The following TXN2 variants were observed in gnomAD, a reference collection of about 807,000 sequenced individuals.
The protein encoded by TXN2 is thioredoxin, mitochondrial.
TXN2 carries 12 observed loss-of-function variants against 14.6 expected under a neutral mutation model. The ratio of observed to expected loss-of-function variants is 0.82; its 90% confidence interval spans 0.53 to 1.33. The LOEUF is 1.33. TXN2 is among the 40% of genes most tolerant of loss of function. The pLI, the probability that TXN2 is intolerant of heterozygous loss-of-function variation, is 0.00. For missense variants in TXN2, 173 were observed against 207.7 expected (o/e 0.83, Z 1.03); for synonymous variants, 89 against 81.0 (o/e 1.10, Z -0.53).
At chr22:36,480,865 G>T in intron 1 of TXN2, 28 bp from the exon 2 acceptor site, 1 of 1,525,656 alleles carries the variant, frequency 6.6e-7, no homozygotes, top group South Asian at 1.3e-5. Flanking sequence ...AGAAGAACTG[G>T]GGCACACAAA....
chr22:36,467,712 C>T lies in TXN2; in HGVS notation c.*92G>A. The T allele has an allele frequency of 7.0e-6, 8 of 1,136,600 alleles. No individual in the cohort carries two copies. The highest frequency in any genetic ancestry group is 1.8e-5 in the Admixed American group (1 of 56,446). The allele number at this position is 1,136,600 out of a possible 1,614,324, so 70.4% of individuals were successfully genotyped here. A position where few individuals can be genotyped will look rare whatever the true frequency, so the allele number is the denominator to read the frequency against. Reference sequence around the variant, plus strand: ...CTAAGCATGGGCCCCAGGAGCCAGACAGGAGGGAGGCAGCAGGAAGGGCTG... The same window carrying T: ...CTAAGCATGGGCCCCAGGAGCCAGATAGGAGGGAGGCAGCAGGAAGGGCTG... On this transcript the variant is annotated 3_prime_UTR_variant, in exon 4 of 4. Transcript: ENST00000216185.
chr22:36,478,433 C>G (rs1416938087), intron 2 of TXN2, among the ~76,000 whole-genome samples: 1 of 152,174 alleles, frequency 6.6e-6, no homozygotes, highest in Non-Finnish European at 1.5e-5. Context: ...ACCAGGAGGC[C>G]AAGACAGTTC....
rs1311228990 is a variant in TXN2, at chr22:36,467,466, C to A, written c.*338G>T. ...CACGAGGTTTCAGATTGGAAGGGACCAAGATGAGGACCAAGGTGTGGCTGC... is the reference window on the plus strand; with the variant it reads ...CACGAGGTTTCAGATTGGAAGGGACAAAGATGAGGACCAAGGTGTGGCTGC... On this transcript the variant is annotated 3_prime_UTR_variant, in exon 4 of 4. Transcript: ENST00000216185. The A allele has an allele frequency of 3.7e-6, 1 of 269,194 alleles. No homozygotes were observed. Among genetic ancestry groups the A allele is most frequent in the South Asian group, 6.2e-5 (1 of 16,188 alleles). The allele number at this position is 269,194 out of a possible 1,614,324, so 16.7% of individuals were successfully genotyped here.
chr22:36,481,574 T>C lies in TXN2; in HGVS notation c.-11A>G, dbSNP rs972003037. ...CCACAGGGCTCCTACCTCCCTGCAA[T>C]GCGAGCGGAGGGATGCACAGCCTAG... On this transcript the variant is annotated 5_prime_UTR_variant, in exon 1 of 4. Transcript: ENST00000216185. 5.0e-6 allele frequency: 5 copies of C among 999,786 alleles called. No homozygotes were observed. In the African/African-American group the frequency reaches 7.0e-5, roughly 14 times the overall value. The allele number at this position is 999,786 out of a possible 1,614,324, so 61.9% of individuals were successfully genotyped here.
intron 2 of TXN2, 151 bp from the exon 3 acceptor site, chr22:36,477,007 C>T (rs190121398): frequency 1.9e-4 from 250 of 1,332,420 alleles, no homozygotes; most frequent in African/African-American, 1.5e-3. Context: ...ATGGTAATGC[C>T]AGGAGATTCT....
chr22:36,479,657 T>C (rs2145827877), intron 2 of TXN2, among the ~76,000 whole-genome samples: 1 of 152,184 alleles, frequency 6.6e-6, no homozygotes. Context: ...TTTTAACTTA[T>C]GCTACACTGG....
At chr22:36,475,899 C>CAGCTCAGAGGTTCTCTCTA (rs1933374959) in intron 3 of TXN2, among the ~76,000 whole-genome samples, 1 of 152,090 alleles carries the variant, frequency 6.6e-6, no homozygotes, top group African/African-American at 2.4e-5. Context: ...CCTCATGGCT[C>CAGCTCAGAGGTTCTCTCTA]AGCTCAGAGG....
At chr22:36,475,922 T>C (rs1238229675) in intron 3 of TXN2, among the ~76,000 whole-genome samples, 2 of 152,154 alleles carry the variant, frequency 1.3e-5, no homozygotes, top group Admixed American at 1.3e-4. Flanking sequence ...CTCTCTAACG[T>C]GAAGCATTCC....
At position 36,476,944 on chromosome 22, in the gene TXN2, A is replaced by C. The variant is rs1048644047; in HGVS notation, c.264-88T>G. On this transcript the variant is annotated intron_variant, in intron 2 of 3. Coordinates refer to ENST00000216185, the MANE Select transcript of TXN2 (RefSeq NM_012473.4). ...TTCCCAGACCTGCATCTTTCCAAGG[A>C]ATCTTTTGCCCTTATTATCTCTGTT... The C allele has an allele frequency of 1.3e-5, 21 of 1,576,080 alleles. No homozygotes were observed. The African/African-American group carries it at 2.5e-4, about 18-fold the overall frequency.
At chr22:36,478,038 G>A (rs1933422824) in intron 2 of TXN2, among the ~76,000 whole-genome samples, 1 of 150,236 alleles carries the variant, frequency 6.7e-6, no homozygotes, top group Admixed American at 6.7e-5. Flanking sequence ...TAGGAAGGCT[G>A]AGGCAGGAGA....
chr22:36,480,547 T>C, intron 2 of TXN2, 28 bp downstream of exon 2: 4 of 1,605,036 alleles, frequency 2.5e-6, no homozygotes, highest in Non-Finnish European at 3.4e-6. Context: ...AGTAGGACCC[T>C]AGTCTTCTGT....
chr22:36,476,721 G>C lies in TXN2; in HGVS notation c.387+12C>G. 6.2e-7 allele frequency: 1 copy of C among 1,614,056 alleles called. No individual in the cohort carries two copies. The highest frequency in any genetic ancestry group is 8.5e-7 in the Non-Finnish European group (1 of 1,180,004). ...ACTGGCTTCCCTGTGGCAACTCCCT[G>C]TCAATCCATACCTCATACTCAATGG... On this transcript the variant is annotated intron_variant, in intron 3 of 3. Coordinates refer to ENST00000216185, the MANE Select transcript of TXN2 (RefSeq NM_012473.4).
chr22:36,476,796 G>A lies in TXN2; in HGVS notation c.324C>T (p.His108=), dbSNP rs577924900. 3.2e-5 allele frequency: 52 copies of A among 1,614,066 alleles called. No individual in the cohort carries two copies. The East Asian group carries it at 6.5e-4, about 20-fold the overall frequency. Residue 108 remains histidine, a synonymous_variant, in exon 3 of 4, where the codon CAC becomes CAT. Transcript: ENST00000216185. ...CCACCTTGGCCATCACCACCTTCCC[G>A]TGCTGCTTGGCCACCATCTTCTCTA... is the stretch of plus-strand genomic sequence containing the variant. ...PRLEKMVAKQ[H]GKVVMAKVDI... is the part of the protein sequence containing the mutation.
At position 36,474,027 on chromosome 22, in the gene TXN2, G is replaced by A. The variant is rs1255471290; in HGVS notation, c.387+2706C>T. On this transcript the variant is annotated intron_variant, in intron 3 of 3. Transcript: ENST00000216185. ...GCTGTAGTGTCTGGCAGAGCCAGGA[G>A]GCCTGAGACATCTGAAGCCCACGCG... Among the ~76,000 whole-genome samples, 6 of 152,334 alleles carry A rather than the reference G, an allele frequency of 3.9e-5. No individual in the cohort carries two copies. In the East Asian group the frequency reaches 1.2e-3, roughly 29 times the overall value.
At chr22:36,473,582 G>A (rs1418744316) in intron 3 of TXN2, among the ~76,000 whole-genome samples, 1 of 152,182 alleles carries the variant, frequency 6.6e-6, no homozygotes, top group South Asian at 2.1e-4. Context: ...GAGAGAGGGA[G>A]GGGGTCAGGA....
At chr22:36,477,653 GA>G (rs893860366) in intron 2 of TXN2, among the ~76,000 whole-genome samples, 5 of 152,156 alleles carry the variant, frequency 3.3e-5, no homozygotes, top group African/African-American at 9.7e-5. Flanking sequence ...AAAAGGAGGG[GA>G]ACCAATGGCC....
At position 36,471,336 on chromosome 22, in the gene TXN2, G is replaced by A. The variant is rs544242008; in HGVS notation, c.388-3419C>T. On this transcript the variant is annotated intron_variant, in intron 3 of 3. Transcript: ENST00000216185. Reference sequence around the variant, plus strand: ...GGAGTGGGGGAGTGTGTACGTGTGCGCAGTCTCTTTCTGCTAACCCGTAGC... The same window carrying A: ...GGAGTGGGGGAGTGTGTACGTGTGCACAGTCTCTTTCTGCTAACCCGTAGC... Among the ~76,000 whole-genome samples, 13 of 152,214 alleles carry A rather than the reference G, an allele frequency of 8.5e-5. No homozygotes were observed. In the South Asian group the frequency reaches 2.1e-3, roughly 24 times the overall value.
chr22:36,479,516 G>A (rs1334766644), intron 2 of TXN2, among the ~76,000 whole-genome samples: 5 of 152,032 alleles, frequency 3.3e-5, no homozygotes, highest in Non-Finnish European at 7.4e-5. Flanking sequence ...ATTTTTGGTA[G>A]AGATGGGGTT....
chr22:36,472,980 CA>C (rs1190378599), intron 3 of TXN2, among the ~76,000 whole-genome samples: 68 of 152,166 alleles, frequency 4.5e-4, no homozygotes, highest in Non-Finnish European at 2.4e-4. Flanking sequence ...TCAGGACACC[CA>C]GCCCTGGCAT....
Sources: allele counts gnomAD v4.1 joint callset (sites outside exome capture counted in the v4.1 genomes callset), GRCh38; gene constraint gnomAD v4.1.1; transcripts MANE v1.5; gene names NCBI Gene and HGNC (gene_info 2026-07-23, HGNC 2026-07-21).